Variants in EXOC4 observed in about 807,000 individuals in gnomAD.
The protein encoded by EXOC4 is exocyst complex component 4, also known as SEC8-like 1.
A neutral mutation model predicts 107.2 loss-of-function variants in EXOC4; 71 were observed. The observed-to-expected ratio is 0.66, with a 90% CI of 0.55 to 0.81. The LOEUF (loss-of-function observed/expected upper bound fraction) is 0.81. Ranked by LOEUF, EXOC4 falls within the 30% of genes least tolerant of loss-of-function variation. EXOC4 has a pLI of 0.00. For synonymous variants in EXOC4, 456 were observed against 441.2 expected, an observed-to-expected ratio of 1.03 and a Z score of -0.42; for missense variants, 1,108 against 1,189.6, an observed-to-expected ratio of 0.93 and a Z score of 1.01.
chr7:133,404,043 AT>A (rs1797153425), intron 7 of EXOC4, among the ~76,000 whole-genome samples: 1 of 152,084 alleles, frequency 6.6e-6, no homozygotes, highest in African/African-American at 2.4e-5. Context: ...CTATTCTGAT[AT>A]ATTCTCCATA....
At chr7:133,654,537 C>G (rs995386463) in intron 10 of EXOC4, among the ~76,000 whole-genome samples, 2 of 152,126 alleles carry the variant, frequency 1.3e-5, no homozygotes, top group African/African-American at 4.8e-5. Flanking sequence ...TTTAGAGGAT[C>G]TGAGGGGCCT....
intron 11 of EXOC4, among the ~76,000 whole-genome samples, chr7:133,831,533 T>C (rs1462769235): frequency 6.7e-6 from 1 of 150,198 alleles, no homozygotes; most frequent in Non-Finnish European, 1.5e-5. Context: ...GACTGGCTTC[T>C]GTTATTTCCT....
intron 17 of EXOC4, among the ~76,000 whole-genome samples, chr7:134,051,871 A>G (rs1415768292): frequency 6.6e-6 from 1 of 151,688 alleles, no homozygotes; most frequent in African/African-American, 2.4e-5. Flanking sequence ...CTGTAGTCCC[A>G]GCTACTCAGG....
At chr7:133,314,033 A>G (rs1794935291) in intron 4 of EXOC4, among the ~76,000 whole-genome samples, 1 of 152,186 alleles carries the variant, frequency 6.6e-6, no homozygotes, top group South Asian at 2.1e-4. Flanking sequence ...TTCCAAAATA[A>G]CGTTATAATT....
chr7:133,255,181 CTTTTCTTTTT>C (rs897394235), intron 1 of EXOC4, among the ~76,000 whole-genome samples: 4 of 151,402 alleles, frequency 2.6e-5, no homozygotes, highest in Non-Finnish European at 4.4e-5. Context: ...CTTTTCTTTT[CTTTTCTTTTT>C]TTTTGAGACA....
intron 11 of EXOC4, among the ~76,000 whole-genome samples, chr7:133,820,235 ATTAT>A (rs1217542664): frequency 6.9e-6 from 1 of 145,874 alleles, no homozygotes; most frequent in Non-Finnish European, 1.5e-5. Flanking sequence ...GAAAATGCAA[ATTAT>A]TTAAACCATA....
At chr7:133,535,755 A>G (rs1800259358) in intron 9 of EXOC4, among the ~76,000 whole-genome samples, 1 of 149,740 alleles carries the variant, frequency 6.7e-6, no homozygotes, top group African/African-American at 2.6e-5. Flanking sequence ...TCTATCCTCC[A>G]CACATGTCAT....
At chr7:133,804,819 T>C (rs1053619692) in intron 10 of EXOC4, among the ~76,000 whole-genome samples, 1 of 152,208 alleles carries the variant, frequency 6.6e-6, no homozygotes, top group Admixed American at 6.5e-5. Flanking sequence ...ACATAGTACA[T>C]GCATCCTTAA....
At chr7:133,812,259 T>TAC (rs1283344029) in intron 10 of EXOC4, among the ~76,000 whole-genome samples, 3 of 152,240 alleles carry the variant, frequency 2.0e-5, no homozygotes, top group Non-Finnish European at 4.4e-5. Flanking sequence ...ACTAAGCAGT[T>TAC]ACTGTGTGCC....
At chr7:133,881,121 A>C (rs1441019075) in intron 11 of EXOC4, among the ~76,000 whole-genome samples, 1 of 152,126 alleles carries the variant, frequency 6.6e-6, no homozygotes, top group Non-Finnish European at 1.5e-5. Context: ...TGAATTAATT[A>C]TTTATATTTT....
At chr7:133,868,163 C>T (rs1798680535) in intron 11 of EXOC4, among the ~76,000 whole-genome samples, 1 of 152,032 alleles carries the variant, frequency 6.6e-6, no homozygotes, top group African/African-American at 2.4e-5. Context: ...CTCATCTTAC[C>T]TCTTGGCTTG....
chr7:133,513,351 A>G (rs747332993), intron 9 of EXOC4, among the ~76,000 whole-genome samples: 4 of 152,168 alleles, frequency 2.6e-5, no homozygotes, highest in Non-Finnish European at 5.9e-5. Context: ...TACAGGCACA[A>G]GCCACCACAC....
At position 133,654,122 on chromosome 7, in the gene EXOC4, A is replaced by G. The variant is rs145297620; in HGVS notation, c.1514+23981A>G. On this transcript the variant is annotated intron_variant, in intron 10 of 17. Transcript: ENST00000253861. ...ACTGGGTGGTCTCTGTCATTACAGCACCGGTTCTATGCATGTGTGAATAAG... is the reference window on the plus strand; with the variant it reads ...ACTGGGTGGTCTCTGTCATTACAGCGCCGGTTCTATGCATGTGTGAATAAG... 2.6e-4 allele frequency among the ~76,000 whole-genome samples: 39 copies of G among 152,250 alleles called. No homozygotes were observed. The East Asian group carries it at 5.8e-3, about 23-fold the overall frequency.
At chr7:133,854,408 GCACACACACACACA>G (rs56849407) in intron 11 of EXOC4, among the ~76,000 whole-genome samples, 250 of 139,570 alleles carry the variant, frequency 1.8e-3, no homozygotes, top group Non-Finnish European at 3.0e-3. Flanking sequence ...TGTTGAAAGA[GCACACACACACACA>G]CACACACACA....
At chr7:133,455,829 C>T (rs1464298931) in intron 7 of EXOC4, among the ~76,000 whole-genome samples, 1 of 152,196 alleles carries the variant, frequency 6.6e-6, no homozygotes, top group African/African-American at 2.4e-5. Context: ...ATGTTTCAAA[C>T]ATCAAAAGTA....
chr7:133,548,703 TC>T (rs1800530813), intron 9 of EXOC4, among the ~76,000 whole-genome samples: 1 of 152,206 alleles, frequency 6.6e-6, no homozygotes, highest in Non-Finnish European at 1.5e-5. Context: ...CTTTCTCACC[TC>T]TCTCAGCCTT....
rs76732331 is a variant in EXOC4 at position 133,957,944 on chromosome 7, A to G, written c.2206+19875A>G. 7.0e-4 allele frequency among the ~76,000 whole-genome samples: 107 copies of G among 152,318 alleles called. 1 individual carries two copies. In the East Asian group the frequency reaches 0.017, roughly 25 times the overall value. On this transcript the variant is annotated intron_variant, in intron 14 of 17. Coordinates refer to ENST00000253861, the MANE Select transcript of EXOC4 (RefSeq NM_021807.4). The stretch of plus-strand genomic sequence containing the variant: ...AGCACTACGATTCCTTTTCCTCAGC[A>G]ATGCTTCATATTATGACTTAGATCA...
At chr7:133,608,626 T>C (rs572252177) in intron 9 of EXOC4, among the ~76,000 whole-genome samples, 46 of 146,740 alleles carry the variant, frequency 3.1e-4, no homozygotes, top group African/African-American at 1.0e-3. Context: ...CTTGGCTTAC[T>C]GCAGCCTCTT....
intron 9 of EXOC4, among the ~76,000 whole-genome samples, chr7:133,492,901 C>A (rs1402493053): frequency 6.6e-6 from 1 of 151,308 alleles, no homozygotes; most frequent in Non-Finnish European, 1.5e-5. Context: ...GCTCTAGGTT[C>A]TTGGATTATC....
Sources: gnomAD v4.1 joint callset for allele counts (sites outside exome capture counted in the v4.1 genomes callset) on GRCh38, gnomAD v4.1.1 for gene constraint, MANE v1.5 for transcripts, NCBI Gene and HGNC (gene_info 2026-07-23, HGNC 2026-07-21) for gene names.